The following FGF12 variants were observed in gnomAD, a reference collection of about 807,000 sequenced individuals.
FGF12 encodes the protein fibroblast growth factor 12B.
In FGF12, 14 loss-of-function variants were observed where a neutral mutation model predicts 23.6. The observed-to-expected ratio is 0.59, with a 90% confidence interval of 0.39 to 0.93. FGF12 has a LOEUF of 0.93. Among genes scored for constraint, FGF12 ranks in the 40% least tolerant of loss-of-function variants. The pLI is 0.00. For missense variants in FGF12, 175 were observed against 217.8 expected (o/e 0.80, Z 1.24); for synonymous variants, 62 against 77.3 (o/e 0.80, Z 1.04).
intron 2 of FGF12, among the ~76,000 whole-genome samples, chr3:192,531,470 C>T (rs1449821559): frequency 2.0e-5 from 3 of 152,132 alleles, no homozygotes; most frequent in Non-Finnish European, 4.4e-5. Flanking sequence ...GAGATTAGCA[C>T]TTAGTGGACT....
intron 2 of FGF12, 163 bp downstream of exon 2, chr3:192,727,018 G>C (rs978820823): frequency 6.2e-6 from 5 of 809,860 alleles, no homozygotes; most frequent in Admixed American, 2.2e-5. Flanking sequence ...AAAAGAAGTC[G>C]CCTTCCTGCC....
chr3:192,217,715 A>G (rs1007023964), intron 4 of FGF12, among the ~76,000 whole-genome samples: 1 of 152,238 alleles, frequency 6.6e-6, no homozygotes, highest in African/African-American at 2.4e-5. Context: ...GTAACGGTAC[A>G]CATGCATTTA....
At chr3:192,671,658 C>T (rs773010933) in intron 2 of FGF12, among the ~76,000 whole-genome samples, 97 of 152,158 alleles carry the variant, frequency 6.4e-4, no homozygotes, top group Non-Finnish European at 5.0e-4. Flanking sequence ...GTAAAGATCA[C>T]GTACAACGAT....
At chr3:192,428,664 C>T (rs1246232280) in intron 2 of FGF12, among the ~76,000 whole-genome samples, 1 of 152,072 alleles carries the variant, frequency 6.6e-6, no homozygotes, top group African/African-American at 2.4e-5. Context: ...CGTACTTCCC[C>T]AGACTGGGGA....
Position 192,711,940 on chromosome 3 carries a change from C to CAAA in FGF12, c.13+15238_13+15240dup, listed in dbSNP as rs60779864. 4.9e-4 allele frequency among the ~76,000 whole-genome samples: 25 copies of CAAA among 50,776 alleles called. 1 individual carries two copies. The East Asian group carries it at 6.7e-3, about 14-fold the overall frequency. 33.3% of individuals were successfully genotyped at this position (50,776 alleles called of 152,430 possible). Reference sequence around the variant, plus strand: ...TCTGCGAGAAACACCCAAGAACGATCAAAAAAAAAAAAAAAAAAAAAATGT... The same window carrying CAAA: ...TCTGCGAGAAACACCCAAGAACGATCAAAAAAAAAAAAAAAAAAAAAAAAATGT... On this transcript the variant is annotated intron_variant, in intron 2 of 5. Coordinates refer to ENST00000445105, the MANE Select transcript of FGF12 (RefSeq NM_004113.6).
At chr3:192,386,099 C>T (rs961025229) in intron 2 of FGF12, among the ~76,000 whole-genome samples, 1 of 152,142 alleles carries the variant, frequency 6.6e-6, no homozygotes, top group Non-Finnish European at 1.5e-5. Context: ...GGTGAATAAA[C>T]GAGGAATAAA....
intron 2 of FGF12, among the ~76,000 whole-genome samples, chr3:192,582,912 A>G: frequency 6.6e-6 from 1 of 151,866 alleles, no homozygotes; most frequent in East Asian, 1.9e-4. Flanking sequence ...AAACATGCAC[A>G]CTGTGCACTT....
intron 2 of FGF12, among the ~76,000 whole-genome samples, chr3:192,690,795 T>A (rs941853194): frequency 2.6e-5 from 4 of 151,978 alleles, no homozygotes; most frequent in African/African-American, 4.8e-5. Context: ...CCCAAATATA[T>A]GCTGCTGACA....
intron 4 of FGF12, among the ~76,000 whole-genome samples, chr3:192,178,373 T>C (rs1053690127): frequency 2.0e-5 from 3 of 152,176 alleles, no homozygotes; most frequent in African/African-American, 7.2e-5. Context: ...ACTTTGCTAT[T>C]GTGTTAGTAA....
At chr3:192,515,850 T>G (rs905020949) in intron 2 of FGF12, among the ~76,000 whole-genome samples, 4 of 151,846 alleles carry the variant, frequency 2.6e-5, no homozygotes, top group African/African-American at 7.3e-5. Context: ...TTTTTTCTTT[T>G]CCTGATGCCA....
At chr3:192,681,297 G>A (rs951508464) in intron 2 of FGF12, among the ~76,000 whole-genome samples, 3 of 152,226 alleles carry the variant, frequency 2.0e-5, no homozygotes, top group Non-Finnish European at 4.4e-5. Flanking sequence ...GGTGAGGAAA[G>A]GGCTGCCTTA....
chr3:192,422,915 G>T (rs998622690), intron 2 of FGF12, among the ~76,000 whole-genome samples: 8 of 152,078 alleles, frequency 5.3e-5, no homozygotes, highest in Non-Finnish European at 1.0e-4. Flanking sequence ...TGTTCTATAT[G>T]CAAAGAAAAC....
At chr3:192,173,762 G>A (rs1054191750) in intron 4 of FGF12, among the ~76,000 whole-genome samples, 1 of 151,932 alleles carries the variant, frequency 6.6e-6, no homozygotes, top group African/African-American at 2.4e-5. Flanking sequence ...AAGAAGTTAG[G>A]AAAAAAATAA....
chr3:192,164,994 C>G (rs1282726615), intron 5 of FGF12, among the ~76,000 whole-genome samples: 1 of 151,944 alleles, frequency 6.6e-6, no homozygotes, highest in Non-Finnish European at 1.5e-5. Flanking sequence ...CTCTGTTGAC[C>G]AGGCTGGAGT....
chr3:192,479,198 A>G (rs995514008), intron 2 of FGF12, among the ~76,000 whole-genome samples: 1 of 152,172 alleles, frequency 6.6e-6, no homozygotes, highest in Non-Finnish European at 1.5e-5. Flanking sequence ...TCTAAAAGGA[A>G]TTATTCCACT....
chr3:192,622,757 A>G (rs908864072), intron 2 of FGF12, among the ~76,000 whole-genome samples: 4 of 152,160 alleles, frequency 2.6e-5, no homozygotes, highest in Non-Finnish European at 4.4e-5. Flanking sequence ...ACTTTTCTTC[A>G]TCAGGTGAGG....
At chr3:192,522,221 A>AT (rs1724838892) in intron 2 of FGF12, among the ~76,000 whole-genome samples, 3 of 149,546 alleles carry the variant, frequency 2.0e-5, no homozygotes, top group Admixed American at 2.0e-4. Context: ...ACAAAAAAAA[A>AT]CGGGGGGGAC....
intron 2 of FGF12, among the ~76,000 whole-genome samples, chr3:192,538,252 A>T (rs143755751): frequency 2.3e-3 from 331 of 144,284 alleles, no homozygotes; most frequent in Admixed American, 5.0e-3. Flanking sequence ...CAGGCCTTTA[A>T]TCCGTTTTTT....
At chr3:192,323,605 T>A (rs1348984697) in intron 4 of FGF12, among the ~76,000 whole-genome samples, 3 of 152,110 alleles carry the variant, frequency 2.0e-5, no homozygotes, top group African/African-American at 7.2e-5. Context: ...GGTACAAACA[T>A]ATAGTTAGAT....
Sources: allele counts gnomAD v4.1 joint callset (sites outside exome capture counted in the v4.1 genomes callset), GRCh38; gene constraint gnomAD v4.1.1; transcripts MANE v1.5; gene names NCBI Gene and HGNC (gene_info 2026-07-23, HGNC 2026-07-21).